C3orf20: variants seen among roughly 807,000 people sequenced by gnomAD.
The protein encoded by C3orf20 is uncharacterized protein C3orf20.
A neutral mutation model predicts 88.3 loss-of-function variants in C3orf20; 76 were observed. That is an observed-to-expected ratio of 0.86 (90% confidence interval 0.72 to 1.04). C3orf20 has a LOEUF of 1.04. C3orf20 is among the 50% of genes least tolerant of loss of function. C3orf20 has a pLI of 0.00. For synonymous variants in C3orf20, 436 were observed against 437.4 expected, an observed-to-expected ratio of 1.00 and a Z score of 0.04; for missense variants, 1,056 against 1,123.3, an observed-to-expected ratio of 0.94 and a Z score of 0.86.
At chr3:14,709,445 T>C (rs534395599) in intron 7 of C3orf20, among the ~76,000 whole-genome samples, 1 of 152,348 alleles carries the variant, frequency 6.6e-6, no homozygotes, top group South Asian at 2.1e-4. Context: ...TCTTGTTCTT[T>C]ATATTAGAGG....
chr3:14,746,254 G>A (rs2035053971), intron 12 of C3orf20, among the ~76,000 whole-genome samples: 1 of 152,228 alleles, frequency 6.6e-6, no homozygotes, highest in East Asian at 1.9e-4. Context: ...TGTTTGGAAG[G>A]AAAGCTCCTT....
At chr3:14,731,707 G>C (rs2034545386) in intron 12 of C3orf20, among the ~76,000 whole-genome samples, 1 of 152,168 alleles carries the variant, frequency 6.6e-6, no homozygotes, top group South Asian at 2.1e-4. Flanking sequence ...AAGGAAAACA[G>C]GTATTCAGCA....
At chr3:14,710,884 TTTC>T (rs1427034340) in intron 7 of C3orf20, among the ~76,000 whole-genome samples, 5 of 118,004 alleles carry the variant, frequency 4.2e-5, no homozygotes, top group African/African-American at 1.6e-4. Context: ...CCTCTATTTC[TTTC>T]TTTCTTTTTC....
intron 7 of C3orf20, among the ~76,000 whole-genome samples, chr3:14,712,182 GCACA>G (rs1198777411): frequency 0.024 from 535 of 22,452 alleles, 7 homozygotes; most frequent in African/African-American, 0.039. Context: ...ACGCGCGCGC[GCACA>G]CACACACACA....
chr3:14,695,312 G>C (rs751309670), intron 5 of C3orf20, among the ~76,000 whole-genome samples: 9 of 151,090 alleles, frequency 6.0e-5, no homozygotes, highest in Non-Finnish European at 7.4e-5. Flanking sequence ...AATTCCTCTT[G>C]TTGATCTCTA....
chr3:14,679,742 C>T (rs2031983033), intron 1 of C3orf20, among the ~76,000 whole-genome samples: 1 of 152,144 alleles, frequency 6.6e-6, no homozygotes, highest in African/African-American at 2.4e-5. Flanking sequence ...CATCTCAGGC[C>T]AGGATGTAGT....
rs1315342373 is a variant in C3orf20 at position 14,684,295 on chromosome 3, C to T, written c.538C>T (p.Leu180Phe). Residue 180 changes from leucine to phenylalanine, a missense_variant, in exon 4 of 17, where the codon CTC becomes TTC. By Grantham distance (22) the Leu-to-Phe change is conservative. Transcript: ENST00000253697. ...TRRFVEASQL[L>F]HLNAKEMAFN... ...GCGCTTTGTGGAGGCCAGCCAGCTC[C>T]TCCACCTCAATGCCAAGGAGATGGC... 6.2e-7 allele frequency: 1 copy of T among 1,614,066 alleles called. No individual in the cohort carries two copies. Among genetic ancestry groups the T allele is most frequent in the South Asian group, 1.1e-5 (1 of 91,088 alleles).
chr3:14,760,038 C>A, intron 14 of C3orf20, 40 bp downstream of exon 14: 1 of 1,427,600 alleles, frequency 7.0e-7, no homozygotes, highest in Non-Finnish European at 9.9e-7. Flanking sequence ...CCTGCCACCC[C>A]AGCCGCAGCC....
In C3orf20 at chr3:14,701,826, T is replaced by C. The variant is rs1011152252; in HGVS notation, c.746-1304T>C. On this transcript the variant is annotated intron_variant, in intron 5 of 16. Coordinates refer to ENST00000253697, the MANE Select transcript of C3orf20 (RefSeq NM_032137.5). The surrounding 1 kb of genome is among the most constrained non-coding windows in gnomAD (Gnocchi z 4.6). The stretch of plus-strand genomic sequence containing the variant: ...TCTTTTCCTGGAACCCGGGGAGACA[T>C]GGCCAGTCTCATCACTTTGCACAAG... 8.1e-4 allele frequency among the ~76,000 whole-genome samples: 124 copies of C among 152,180 alleles called. No individual in the cohort carries two copies. The highest frequency in any genetic ancestry group is 2.8e-3 in the African/African-American group (116 of 41,444).
In C3orf20 at chr3:14,728,425, T is replaced by A; in HGVS notation, c.1691-14T>A. The A allele has an allele frequency of 1.2e-6, 2 of 1,613,132 alleles. No individual in the cohort carries two copies. Among genetic ancestry groups the A allele is most frequent in the Non-Finnish European group, 1.7e-6 (2 of 1,179,146 alleles). ...CCATGAAGGGAAAATGACAGCAGCA[T>A]CTTCTGTTAACAGGTCTGTTTACCA... On this transcript the variant is annotated splice_polypyrimidine_tract_variant and intron_variant, in intron 11 of 16. Coordinates refer to ENST00000253697, the MANE Select transcript of C3orf20 (RefSeq NM_032137.5).
chr3:14,726,634 G>A (rs1260151428), intron 10 of C3orf20, among the ~76,000 whole-genome samples: 2 of 152,184 alleles, frequency 1.3e-5, no homozygotes, highest in African/African-American at 4.8e-5. Context: ...TCTTCAAGCT[G>A]CATTGAGCAT....
chr3:14,756,043 A>G (rs1275044671), intron 12 of C3orf20, among the ~76,000 whole-genome samples: 3 of 150,414 alleles, frequency 2.0e-5, no homozygotes, highest in Admixed American at 6.6e-5. Flanking sequence ...AAAAAAAAAA[A>G]AAAAGAAAAA....
intron 5 of C3orf20, among the ~76,000 whole-genome samples, chr3:14,700,424 A>G (rs2124928802): frequency 6.6e-6 from 1 of 152,306 alleles, no homozygotes; most frequent in Non-Finnish European, 1.5e-5. Flanking sequence ...TAACTTACCA[A>G]TTAAACTTTA....
At chr3:14,715,466 C>A (rs989412021) in intron 9 of C3orf20, 57 bp downstream of exon 9, 7 of 1,568,788 alleles carry the variant, frequency 4.5e-6, no homozygotes, top group South Asian at 1.2e-5. Context: ...CAGGGAGGGT[C>A]TGGGCATCCT....
At chr3:14,741,249 A>G (rs1350421610) in intron 12 of C3orf20, among the ~76,000 whole-genome samples, 2 of 151,748 alleles carry the variant, frequency 1.3e-5, no homozygotes, top group Admixed American at 1.3e-4. Context: ...CGGGTCCTCA[A>G]CTGAAAGCCA....
chr3:14,703,870 C>T (rs768570996), intron 6 of C3orf20, among the ~76,000 whole-genome samples: 4 of 152,180 alleles, frequency 2.6e-5, no homozygotes, highest in Non-Finnish European at 5.9e-5. Context: ...GGGCCCAGGC[C>T]ACTGGGTGTA....
Position 14,715,376 on chromosome 3 carries a change from C to T in C3orf20, c.1401C>T (p.Ser467=), listed in dbSNP as rs1385935735. 1 of 1,612,274 alleles carries T rather than the reference C, an allele frequency of 6.2e-7. No homozygotes were observed. The highest frequency in any genetic ancestry group is 8.5e-7 in the Non-Finnish European group (1 of 1,179,704). Residue 467 remains serine (S), a synonymous_variant, in exon 9 of 17, where the codon TCC becomes TCT. Coordinates refer to ENST00000253697, the MANE Select transcript of C3orf20 (RefSeq NM_032137.5). ...GYVVHKWSWT[S]RTETLLSLEY... is the part of the protein sequence containing the mutation. ...TAGTCCACAAGTGGAGCTGGACTTC[C>T]AGGACAGAGACCCTGCTTTCCCTGG...
At chr3:14,717,956 G>T (rs1228282267) in intron 9 of C3orf20, among the ~76,000 whole-genome samples, 1 of 152,012 alleles carries the variant, frequency 6.6e-6, no homozygotes, top group Non-Finnish European at 1.5e-5. Flanking sequence ...TTCTTTACCT[G>T]CTTGCAAGAT....
intron 1 of C3orf20, among the ~76,000 whole-genome samples, chr3:14,681,702 G>T (rs1196818609): frequency 6.6e-6 from 1 of 152,154 alleles, no homozygotes; most frequent in Admixed American, 6.5e-5. Context: ...GTTTTAATTT[G>T]ATATATTATT....
Sources: gnomAD v4.1 joint callset for allele counts (sites outside exome capture counted in the v4.1 genomes callset) on GRCh38, gnomAD v4.1.1 for gene constraint, Gnocchi (gnomAD v3.1) non-coding constraint, MANE v1.5 for transcripts, NCBI Gene and HGNC (gene_info 2026-07-23, HGNC 2026-07-21) for gene names.